RASL12: variants seen among roughly 807,000 people sequenced by gnomAD.
The protein encoded by RASL12 is RAS like family 12.
Under a neutral mutation model 22.9 loss-of-function variants are expected in RASL12, and 16 were observed. The ratio of observed to expected loss-of-function variants is 0.70; its 90% CI spans 0.47 to 1.06. The LOEUF (loss-of-function observed/expected upper bound fraction) is 1.06. Ranked by LOEUF, RASL12 falls within the 50% of genes least tolerant of loss-of-function variation. RASL12 has a pLI of 0.00. For missense variants in RASL12, 306 were observed against 353.1 expected (o/e 0.87, Z 1.07); for synonymous variants, 159 against 152.2 (o/e 1.04, Z -0.33).
chr15:65,051,224 T>C (rs762090948), downstream of RASL12, among the ~76,000 whole-genome samples: 2 of 152,140 alleles, frequency 1.3e-5, no homozygotes, highest in Non-Finnish European at 2.9e-5. Flanking sequence ...GGCCCACCTG[T>C]CTCCTGCCCT....
chr15:65,065,559 G>A (rs957283662), intron 1 of RASL12, among the ~76,000 whole-genome samples: 5 of 152,240 alleles, frequency 3.3e-5, no homozygotes, highest in South Asian at 4.2e-4. Context: ...ATGAACTCAG[G>A]GGTCAGGACC....
chr15:65,054,719 A>G lies in RASL12; in HGVS notation c.*180T>C. 7.0e-7 allele frequency: 1 copy of G among 1,430,242 alleles called. No individual in the cohort carries two copies. The highest frequency in any genetic ancestry group is 9.1e-7 in the Non-Finnish European group (1 of 1,096,222). 88.6% of individuals were successfully genotyped at this position (1,430,242 alleles called of 1,614,324 possible). A position where few individuals can be genotyped will look rare whatever the true frequency, so the allele number is the denominator to read the frequency against. ...ATGAAGACCAAGGCCTGGAGGGAAC[A>G]GAAGCAGCATCCCTGCCTGCCACTC... On this transcript the variant is annotated 3_prime_UTR_variant, in exon 5 of 5. Coordinates refer to ENST00000220062, the MANE Select transcript of RASL12 (RefSeq NM_016563.4).
chr15:65,053,331 C>A, downstream of RASL12: 1 of 1,417,330 alleles, frequency 7.1e-7, no homozygotes, highest in South Asian at 1.6e-5. Context: ...TGCAAGCAAA[C>A]TAAAATTCTG....
chr15:65,069,944 T>G (rs1395626378), upstream of RASL12, among the ~76,000 whole-genome samples: 1 of 152,186 alleles, frequency 6.6e-6, no homozygotes, highest in African/African-American at 2.4e-5. Flanking sequence ...AGTGCCCACC[T>G]CATGGCTGCG....
At chr15:65,056,288 A>G (rs1169036036) in intron 4 of RASL12, among the ~76,000 whole-genome samples, 1 of 152,100 alleles carries the variant, frequency 6.6e-6, no homozygotes, top group Non-Finnish European at 1.5e-5. Flanking sequence ...TTCTGAGCCC[A>G]AGGCTGACCT....
Position 65,055,262 on chromosome 15 carries a change from C to T in RASL12, c.438G>A (p.Lys146=), listed in dbSNP as rs1463323159. ...TGCCTGCCAAAGCCACACCCTCTGC[C>T]TTGGTGACTTGCCTGGTGAGGAAGC... The part of the protein sequence containing the change: ...LDMAQYRQVT[K]AEGVALAGRF... The change falls in exon 5 of 5, where the codon AAG becomes AAA. Residue 146 remains lysine (K), a synonymous_variant. Coordinates refer to ENST00000220062, the MANE Select transcript of RASL12 (RefSeq NM_016563.4). 2.5e-6 allele frequency: 4 copies of T among 1,569,998 alleles called. No homozygotes were observed. Among genetic ancestry groups the T allele is most frequent in the Non-Finnish European group, 3.5e-6 (4 of 1,157,838 alleles).
At position 65,067,937 on chromosome 15, in the gene RASL12, C is replaced by A; in HGVS notation, c.-102G>T. 4 of 1,273,446 alleles carry A rather than the reference C, an allele frequency of 3.1e-6. No individual in the cohort carries two copies. Among genetic ancestry groups the A allele is most frequent in the South Asian group, 2.4e-5 (1 of 41,346 alleles). 78.9% of individuals were successfully genotyped at this position (1,273,446 alleles called of 1,614,324 possible). ...GAGCGGGATGCAGGCTTCCCTGGAG[C>A]GCGCGGCCCCGGACCCGTCGGCGTC... On this transcript the variant is annotated 5_prime_UTR_variant, in exon 1 of 5. Coordinates refer to ENST00000220062, the MANE Select transcript of RASL12 (RefSeq NM_016563.4).
At chr15:65,062,577 G>T (rs1209512663) in intron 2 of RASL12, among the ~76,000 whole-genome samples, 1 of 152,112 alleles carries the variant, frequency 6.6e-6, no homozygotes, top group Non-Finnish European at 1.5e-5. Context: ...TTCTTTAAAG[G>T]GTAATCCTAA....
At chr15:65,055,338 C>A in intron 4 of RASL12, 64 bp from the exon 5 acceptor site, 3 of 1,411,082 alleles carry the variant, frequency 2.1e-6, no homozygotes, top group Non-Finnish European at 2.8e-6. Context: ...GGCAGACCAG[C>A]TCCTACACCC....
Position 65,067,665 on chromosome 15 carries a change from C to A in RASL12, c.103+68G>T, listed in dbSNP as rs1349060525. ...GTGGAAGAACCTGCCCCCAAGAGCA[C>A]AGCCCACTGTCCCCCCACCCACGCC... On this transcript the variant is annotated intron_variant, in intron 1 of 4. Transcript: ENST00000220062. 48 of 1,477,406 alleles carry A rather than the reference C, an allele frequency of 3.2e-5. 2 individuals are homozygous for A. The South Asian group carries it at 5.7e-4, about 17-fold the overall frequency. The allele number at this position is 1,477,406 out of a possible 1,614,324, so 91.5% of individuals were successfully genotyped here. A position where few individuals can be genotyped will look rare whatever the true frequency, so the allele number is the denominator to read the frequency against.
chr15:65,070,393 C>G (rs1188044593), upstream of RASL12, among the ~76,000 whole-genome samples: 1 of 152,246 alleles, frequency 6.6e-6, no homozygotes, highest in Non-Finnish European at 1.5e-5. Context: ...ATAAATAGCA[C>G]ACATTTCTCA....
chr15:65,066,511 A>C (rs990193640), intron 1 of RASL12, among the ~76,000 whole-genome samples: 4 of 140,528 alleles, frequency 2.8e-5, no homozygotes, highest in Admixed American at 6.9e-5. Context: ...ACACTGTCTT[A>C]AAAAAAAAAA....
At chr15:65,056,377 A>C (rs2086732264) in intron 4 of RASL12, among the ~76,000 whole-genome samples, 5 of 152,144 alleles carry the variant, frequency 3.3e-5, no homozygotes, top group Admixed American at 2.6e-4. Flanking sequence ...AGAGAGAGTG[A>C]GTAACTGGGA....
downstream of RASL12, chr15:65,051,749 G>A (rs950101545): frequency 2.1e-5 from 13 of 627,010 alleles, no homozygotes; most frequent in African/African-American, 5.8e-5. Context: ...AGTGTCCTTC[G>A]AGAACCCCAA....
intron 1 of RASL12, among the ~76,000 whole-genome samples, chr15:65,074,570 T>G (rs2140540007): frequency 6.6e-6 from 1 of 152,284 alleles, no homozygotes; most frequent in South Asian, 2.1e-4. Flanking sequence ...AATTTTTTTG[T>G]ATTTTTAATA....
At position 65,054,525 on chromosome 15, in the gene RASL12, C is replaced by A. The variant is rs1269156191; in HGVS notation, c.*374G>T. 5 of 1,029,376 alleles carry A rather than the reference C, an allele frequency of 4.9e-6. No homozygotes were observed. Among genetic ancestry groups the A allele is most frequent in the African/African-American group, 1.7e-5 (1 of 59,272 alleles). The allele number at this position is 1,029,376 out of a possible 1,614,324, so 63.8% of individuals were successfully genotyped here. A position where few individuals can be genotyped will look rare whatever the true frequency, so the allele number is the denominator to read the frequency against. ...TCGGGCCTGACATTGACAGAGCCAT[C>A]CACCCAGACCATCCACTAAGGCCAC... On this transcript the variant is annotated 3_prime_UTR_variant, in exon 5 of 5. Coordinates refer to ENST00000220062, the MANE Select transcript of RASL12 (RefSeq NM_016563.4).
intron 4 of RASL12, among the ~76,000 whole-genome samples, chr15:65,056,235 C>T (rs1361221692): frequency 6.6e-6 from 1 of 152,152 alleles, no homozygotes; most frequent in Admixed American, 6.5e-5. Context: ...GGCACAGCCA[C>T]TAGATGAGAG....
chr15:65,053,260 A>T, downstream of RASL12: 1 of 1,485,644 alleles, frequency 6.7e-7, no homozygotes, highest in East Asian at 2.4e-5. Flanking sequence ...TCTCCCAAGA[A>T]GCCGCTTTTT....
rs1410057803 is a variant in RASL12, at chr15:65,067,783, G to A, written c.53C>T (p.Pro18Leu). The A allele has an allele frequency of 6.3e-7, 1 of 1,581,612 alleles. No individual in the cohort carries two copies. Among genetic ancestry groups the A allele is most frequent in the East Asian group, 2.4e-5 (1 of 41,488 alleles). ...CAGGATGGCCAGGTTGACCTCGAGG[G>A]GCGCGCTCTGAGGCCCGCTGCCCGC... ...PRAGSGPQSA[P>L]LEVNLAILGR... The change falls in exon 1 of 5, where the codon CCC becomes CTC. Residue 18 changes from proline (P) to leucine (L), a missense_variant. Transcript: ENST00000220062.
Sources: allele counts gnomAD v4.1 joint callset (sites outside exome capture counted in the v4.1 genomes callset), GRCh38; gene constraint gnomAD v4.1.1; transcripts MANE v1.5; gene names NCBI Gene and HGNC (gene_info 2026-07-23, HGNC 2026-07-21).